Variants in TAFA4 observed in about 807,000 individuals in gnomAD.
TAFA4 encodes chemokine-like protein TAFA-4.
TAFA4 carries 20 observed loss-of-function variants against 21.1 expected under a neutral mutation model. The observed-to-expected ratio is 0.95, with a 90% CI of 0.67 to 1.38. TAFA4 has a LOEUF of 1.38. Among genes scored for constraint, TAFA4 ranks in the 40% most tolerant of loss-of-function variants. The pLI, the probability that TAFA4 is intolerant of heterozygous loss-of-function variation, is 0.00. For synonymous variants in TAFA4, 71 were observed against 67.4 expected (o/e 1.05, Z -0.26); for missense variants, 211 against 180.9 (o/e 1.17, Z -0.95).
chr3:68,758,466 C>G (rs919750872), intron 3 of TAFA4, among the ~76,000 whole-genome samples: 1 of 152,106 alleles, frequency 6.6e-6, no homozygotes, highest in African/African-American at 2.4e-5. Flanking sequence ...GGGGAGTTCC[C>G]CTGCACACAC....
chr3:68,917,909 C>T (rs2090020826), intron 1 of TAFA4, among the ~76,000 whole-genome samples: 3 of 152,192 alleles, frequency 2.0e-5, no homozygotes, highest in South Asian at 2.1e-4. Flanking sequence ...TAGATGGCAA[C>T]GTGGCTTCTG....
intron 3 of TAFA4, among the ~76,000 whole-genome samples, chr3:68,799,447 C>A (rs1703524972): frequency 6.6e-6 from 1 of 152,140 alleles, no homozygotes. Flanking sequence ...CTCTTAATAC[C>A]ACCACCTTGG....
chr3:68,874,285 T>C (rs1474205882), intron 3 of TAFA4, among the ~76,000 whole-genome samples: 1 of 152,162 alleles, frequency 6.6e-6, no homozygotes, highest in Non-Finnish European at 1.5e-5. Flanking sequence ...TAATGGGTTT[T>C]TAAATGTCCC....
At chr3:68,888,661 T>C (rs1490935004) in intron 1 of TAFA4, among the ~76,000 whole-genome samples, 2 of 152,116 alleles carry the variant, frequency 1.3e-5, no homozygotes, top group African/African-American at 2.4e-5. Context: ...AAGTCTAATA[T>C]CAAGGTGCCA....
At chr3:68,742,528 A>G (rs1037843762) in intron 4 of TAFA4, among the ~76,000 whole-genome samples, 1 of 152,068 alleles carries the variant, frequency 6.6e-6, no homozygotes, top group Non-Finnish European at 1.5e-5. Context: ...TCCTTCCTGC[A>G]TTTTCTAATT....
intron 3 of TAFA4, among the ~76,000 whole-genome samples, chr3:68,791,195 T>C (rs1703354450): frequency 1.3e-5 from 2 of 152,218 alleles, no homozygotes; most frequent in Admixed American, 1.3e-4. Context: ...TCAGAAGATA[T>C]GTTTAAGTCC....
intron 1 of TAFA4, among the ~76,000 whole-genome samples, chr3:68,928,877 G>A (rs1287099666): frequency 6.6e-6 from 1 of 151,920 alleles, no homozygotes; most frequent in Non-Finnish European, 1.5e-5. Flanking sequence ...TCCAAGGTAG[G>A]ACAACACCTC....
At chr3:68,907,031 CAAAAAAAAAAAA>C (rs34543200) in intron 1 of TAFA4, among the ~76,000 whole-genome samples, 1,058 of 54,084 alleles carry the variant, frequency 0.02, 16 homozygotes, top group Middle Eastern at 0.042. Context: ...GAGCCCGTCT[CAAAAAAAAAAAA>C]AAAAAAAAAA....
At chr3:68,770,271 G>A (rs570134903) in intron 3 of TAFA4, among the ~76,000 whole-genome samples, 2 of 152,210 alleles carry the variant, frequency 1.3e-5, no homozygotes, top group African/African-American at 4.8e-5. Flanking sequence ...GCCAAAATTG[G>A]GTCAGTTGTA....
At chr3:68,827,906 T>G (rs1468671410) in intron 3 of TAFA4, among the ~76,000 whole-genome samples, 1 of 152,224 alleles carries the variant, frequency 6.6e-6, no homozygotes. Context: ...TTTGTCAAGT[T>G]TGGCTTTTGT....
chr3:68,763,342 C>T (rs1702790132), intron 3 of TAFA4, among the ~76,000 whole-genome samples: 1 of 152,092 alleles, frequency 6.6e-6, no homozygotes, highest in Non-Finnish European at 1.5e-5. Flanking sequence ...AAAATCCAGT[C>T]TAAGAATTAT....
intron 3 of TAFA4, among the ~76,000 whole-genome samples, chr3:68,775,743 T>C (rs757726333): frequency 6.6e-6 from 1 of 152,166 alleles, no homozygotes; most frequent in Non-Finnish European, 1.5e-5. Flanking sequence ...CGGGCAATGA[T>C]AGCAACAACC....
chr3:68,774,466 C>G (rs145433006), intron 3 of TAFA4, among the ~76,000 whole-genome samples: 1 of 152,140 alleles, frequency 6.6e-6, no homozygotes, highest in African/African-American at 2.4e-5. Flanking sequence ...TAGTCTCAAG[C>G]AACATCAGAA....
intron 3 of TAFA4, among the ~76,000 whole-genome samples, chr3:68,786,142 T>C (rs1369959690): frequency 6.6e-6 from 1 of 152,212 alleles, no homozygotes; most frequent in Non-Finnish European, 1.5e-5. Context: ...GAGCATTCTC[T>C]ACTTTGTGTT....
chr3:68,841,658 A>G (rs1704668649), intron 3 of TAFA4, among the ~76,000 whole-genome samples: 1 of 152,004 alleles, frequency 6.6e-6, no homozygotes, highest in Admixed American at 6.6e-5. Context: ...TGAACCCATC[A>G]TCTATATTAG....
intron 3 of TAFA4, among the ~76,000 whole-genome samples, chr3:68,768,611 G>C (rs1225902989): frequency 6.6e-6 from 1 of 151,990 alleles, no homozygotes; most frequent in Non-Finnish European, 1.5e-5. Context: ...GTATCCAAAA[G>C]AAATAAAATC....
chr3:68,757,048 A>G (rs1702672359), intron 3 of TAFA4, among the ~76,000 whole-genome samples: 1 of 152,138 alleles, frequency 6.6e-6, no homozygotes, highest in African/African-American at 2.4e-5. Flanking sequence ...CCTCTCAGGA[A>G]ATGTCCTCCC....
chr3:68,775,996 CA>C (rs1703042885), intron 3 of TAFA4, among the ~76,000 whole-genome samples: 1 of 152,014 alleles, frequency 6.6e-6, no homozygotes, highest in African/African-American at 2.4e-5. Context: ...AAAAAACTGT[CA>C]ACCCAAAATG....
intron 3 of TAFA4, among the ~76,000 whole-genome samples, chr3:68,842,943 G>A (rs1284676841): frequency 6.6e-6 from 1 of 152,076 alleles, no homozygotes; most frequent in African/African-American, 2.4e-5. Flanking sequence ...TGTAGCCTTG[G>A]AGTGTAGTTT....
Sources: gnomAD v4.1 joint callset for allele counts (sites outside exome capture counted in the v4.1 genomes callset) on GRCh38, gnomAD v4.1.1 for gene constraint, MANE v1.5 for transcripts, NCBI Gene and HGNC (gene_info 2026-07-23, HGNC 2026-07-21) for gene names.